EP400: variants seen among roughly 807,000 people sequenced by gnomAD.
EP400 encodes E1A binding protein p400.
EP400 carries 105 observed loss-of-function variants against 354.1 expected under a neutral mutation model. The observed-to-expected ratio is 0.30, with a 90% CI of 0.25 to 0.35. EP400 has a LOEUF of 0.35. EP400 is among the 10% of genes least tolerant of loss of function. EP400 has a pLI of 1.00. For synonymous variants in EP400, 1,646 were observed against 1,716.9 expected (o/e 0.96, Z 1.02); for missense variants, 3,280 against 4,121.0 (o/e 0.80, Z 5.59).
intron 29 of EP400, 41 bp downstream of exon 29, chr12:132,030,199 C>T: frequency 6.2e-7 from 1 of 1,607,970 alleles, no homozygotes; most frequent in Non-Finnish European, 8.5e-7. Flanking sequence ...ATGGGTCAGT[C>T]ACTGGTGTTG....
At chr12:131,968,743 C>G (rs1335796292) in intron 2 of EP400, among the ~76,000 whole-genome samples, 1 of 152,048 alleles carries the variant, frequency 6.6e-6, no homozygotes, top group Non-Finnish European at 1.5e-5. Flanking sequence ...TCTTTGATTT[C>G]TTTCATCAAC....
intron 2 of EP400, among the ~76,000 whole-genome samples, chr12:131,972,635 TAAAAA>T (rs1395956025): frequency 2.0e-5 from 3 of 149,780 alleles, no homozygotes; most frequent in African/African-American, 7.4e-5. Flanking sequence ...TATAAAAAGA[TAAAAA>T]GAACCGTTCT....
chr12:131,997,091 A>G (rs1386745743), intron 12 of EP400, among the ~76,000 whole-genome samples: 1 of 152,130 alleles, frequency 6.6e-6, no homozygotes, highest in African/African-American at 2.4e-5. Flanking sequence ...TTTGTTATAC[A>G]GTTGACCCTT....
intron 45 of EP400, among the ~76,000 whole-genome samples, chr12:132,061,450 C>T (rs903807566): frequency 1.5e-4 from 23 of 152,314 alleles, no homozygotes; most frequent in African/African-American, 4.8e-4. Context: ...CACTGCACTT[C>T]GGAACCAAGG....
Position 132,018,440 on chromosome 12 carries a change from C to G in EP400, c.4277+64C>G. ...CAGGGCCCCCACAGCTGACCCAGGTCTATGCGTGGTGAAAAGAAAGGCTGC... is the reference window on the plus strand; with the variant it reads ...CAGGGCCCCCACAGCTGACCCAGGTGTATGCGTGGTGAAAAGAAAGGCTGC... On this transcript the variant is annotated intron_variant, in intron 21 of 52. Transcript: ENST00000389561. This position sits in a 1 kb window ranked among gnomAD's most constrained non-coding sequence, Gnocchi z 4.0. 1 of 1,536,044 alleles carries G rather than the reference C, an allele frequency of 6.5e-7. No homozygotes were observed. Among genetic ancestry groups the G allele is most frequent in the Non-Finnish European group, 8.7e-7 (1 of 1,147,146 alleles).
chr12:132,037,430 C>T (rs11246906), intron 30 of EP400, among the ~76,000 whole-genome samples: 3,344 of 152,160 alleles, frequency 0.022, 54 homozygotes, highest in Middle Eastern at 0.051. Flanking sequence ...AACGGGATGG[C>T]GGGTGGAAGG....
intron 27 of EP400, among the ~76,000 whole-genome samples, chr12:132,028,674 A>T (rs1256580828): frequency 4.6e-5 from 7 of 152,206 alleles, no homozygotes; most frequent in African/African-American, 1.7e-4. Flanking sequence ...GCAGGAGTTG[A>T]TCTCAGAACG....
At position 131,990,317 on chromosome 12, in the gene EP400, G is replaced by C. The variant is rs78058758; in HGVS notation, c.2550+213G>C. On this transcript the variant is annotated intron_variant, in intron 8 of 52. Coordinates refer to ENST00000389561, the MANE Select transcript of EP400 (RefSeq NM_015409.5). The surrounding 1 kb of genome is among the most constrained non-coding windows in gnomAD (Gnocchi z 4.2). Reference sequence around the variant, plus strand: ...GCACAGGGGATGCACCTCAGCTGTGGCTGCCCTCTGAGGTGCTTCATGCCG... The same window carrying C: ...GCACAGGGGATGCACCTCAGCTGTGCCTGCCCTCTGAGGTGCTTCATGCCG... 0.017 allele frequency among the ~76,000 whole-genome samples: 2,528 copies of C among 152,310 alleles called. 73 individuals are homozygous for C. Among genetic ancestry groups the C allele is most frequent in the African/African-American group, 0.058 (2,409 of 41,570 alleles).
chr12:132,046,899 G>A (rs773347771), intron 39 of EP400, among the ~76,000 whole-genome samples: 5 of 152,222 alleles, frequency 3.3e-5, no homozygotes, highest in Non-Finnish European at 5.9e-5. Context: ...TGGCGTGTGG[G>A]GACCACCGCC....
intron 47 of EP400, among the ~76,000 whole-genome samples, chr12:132,063,872 A>G (rs937359831): frequency 1.3e-5 from 2 of 152,148 alleles, no homozygotes; most frequent in African/African-American, 4.8e-5. Context: ...ATCCTGCGGG[A>G]CGTGCCACTG....
chr12:131,964,790 T>A (rs1892017079), intron 2 of EP400, among the ~76,000 whole-genome samples: 1 of 152,258 alleles, frequency 6.6e-6, no homozygotes, highest in Non-Finnish European at 1.5e-5. Flanking sequence ...TTTCCTTACC[T>A]AATCACAGTA....
At chr12:132,049,549 G>A (rs1377703587) in intron 39 of EP400, among the ~76,000 whole-genome samples, 1 of 152,140 alleles carries the variant, frequency 6.6e-6, no homozygotes, top group African/African-American at 2.4e-5. Flanking sequence ...CTGGGCCTGT[G>A]CTGCTGTGTC....
chr12:132,052,143 A>G lies in EP400; in HGVS notation c.7395-1003A>G, dbSNP rs531743329. Among the ~76,000 whole-genome samples the G allele has an allele frequency of 1.6e-3, 246 of 152,374 alleles. 1 individual carries two copies. The highest frequency in any genetic ancestry group is 5.6e-3 in the African/African-American group (234 of 41,580). ...TGATTAATGATATTCATAGATAATC[A>G]TATCTAAGATCTATATCTGGTATAA... is the stretch of plus-strand genomic sequence containing the variant. On this transcript the variant is annotated intron_variant, in intron 41 of 52. Transcript: ENST00000389561. The surrounding 1 kb of genome is among the most constrained non-coding windows in gnomAD (Gnocchi z 4.4).
intron 51 of EP400, among the ~76,000 whole-genome samples, chr12:132,073,228 C>CTTT (rs56108246): frequency 8.0e-6 from 1 of 125,500 alleles, no homozygotes; most frequent in Non-Finnish European, 1.7e-5. Context: ...GCCACCTTCT[C>CTTT]TTTTTTTTTT....
intron 2 of EP400, among the ~76,000 whole-genome samples, chr12:131,966,557 T>C (rs1330696671): frequency 2.3e-5 from 2 of 87,020 alleles, no homozygotes; most frequent in Non-Finnish European, 3.8e-5. Context: ...AGTGATACCC[T>C]ACCTCAAAAA....
chr12:132,044,051 C>T, intron 34 of EP400, 126 bp from the exon 35 acceptor site: 1 of 1,318,602 alleles, frequency 7.6e-7, no homozygotes, highest in Non-Finnish European at 1.0e-6. Context: ...GGGGGTGATG[C>T]ATTGTGGAGC....
chr12:132,073,459 C>CTTTCTTTTTTTTTTTTTTT (rs1896125765), intron 51 of EP400, among the ~76,000 whole-genome samples: 2 of 117,730 alleles, frequency 1.7e-5, no homozygotes, highest in African/African-American at 8.8e-5. Context: ...GTCCCTTTTC[C>CTTTCTTTTTTTTTTTTTTT]TTTTTTTTTT....
At chr12:132,040,920 G>A (rs891927411) in intron 32 of EP400, among the ~76,000 whole-genome samples, 2 of 152,196 alleles carry the variant, frequency 1.3e-5, no homozygotes, top group Non-Finnish European at 2.9e-5. Flanking sequence ...AGGCAAGGGG[G>A]ATCCTGGGGA....
chr12:132,004,209 G>A (rs1195762890), intron 12 of EP400, among the ~76,000 whole-genome samples: 1 of 152,218 alleles, frequency 6.6e-6, no homozygotes, highest in Non-Finnish European at 1.5e-5. Context: ...GCATGTGGGA[G>A]TATCTAATTC....
Sources: gnomAD v4.1 joint callset for allele counts (sites outside exome capture counted in the v4.1 genomes callset) on GRCh38, gnomAD v4.1.1 for gene constraint, Gnocchi (gnomAD v3.1) non-coding constraint, MANE v1.5 for transcripts, NCBI Gene and HGNC (gene_info 2026-07-23, HGNC 2026-07-21) for gene names.